The following ERC1 variants were observed in gnomAD, a reference collection of about 807,000 sequenced individuals.
ERC1 encodes RAB6 interacting protein 2.
In ERC1, 56 loss-of-function variants were observed where a neutral mutation model predicts 132.0. The observed-to-expected ratio is 0.42, with a 90% CI of 0.34 to 0.53. ERC1 has a LOEUF of 0.53. ERC1 is among the 20% of genes least tolerant of loss of function. ERC1 has a pLI of 0.03. For synonymous variants in ERC1, 478 were observed against 476.1 expected (o/e 1.00, Z -0.05); for missense variants, 1,202 against 1,349.9 (o/e 0.89, Z 1.72).
At chr12:1,325,813 A>G (rs2082408116) in intron 15 of ERC1, among the ~76,000 whole-genome samples, 1 of 152,132 alleles carries the variant, frequency 6.6e-6, no homozygotes, top group African/African-American at 2.4e-5. Context: ...CTTTTATAAT[A>G]TAAGATATGC....
chr12:1,236,690 C>G (rs992138751), intron 12 of ERC1, 79 bp from the exon 13 acceptor site: 20 of 1,371,858 alleles, frequency 1.5e-5, no homozygotes, highest in Non-Finnish European at 2.0e-5. Flanking sequence ...CTTATTGTCA[C>G]TGGTGTAAGT....
At chr12:998,405 A>C (rs181658257) in intron 1 of ERC1, 11 of 152,178 alleles carry the variant, frequency 7.2e-5, no homozygotes, top group Admixed American at 7.2e-4. Context: ...TCAAAGCGCT[A>C]CTTGGGGAGG....
At chr12:1,238,430 T>G (rs1440284974) in intron 13 of ERC1, among the ~76,000 whole-genome samples, 1 of 152,196 alleles carries the variant, frequency 6.6e-6, no homozygotes, top group South Asian at 2.1e-4. Context: ...TACTTTTTAA[T>G]TCATTTTGTG....
Position 1,205,393 on chromosome 12 carries a change from A to G in ERC1, c.2351+15341A>G, listed in dbSNP as rs566338259. 4.9e-4 allele frequency among the ~76,000 whole-genome samples: 71 copies of G among 146,110 alleles called. 2 individuals carry two copies. In the South Asian group the frequency reaches 0.015, roughly 31 times the overall value. On this transcript the variant is annotated intron_variant, in intron 12 of 18. Coordinates refer to ENST00000360905, the MANE Select transcript of ERC1 (RefSeq NM_178040.4). ...TGTGTGTGTGTGTATATATATATATATATCTGTGTGTGTGTGTGTGTATAT... is the reference window on the plus strand; with the variant it reads ...TGTGTGTGTGTGTATATATATATATGTATCTGTGTGTGTGTGTGTGTATAT...
chr12:1,007,540 C>CTCTCTCTCTCTCTG (rs1555194875), intron 1 of ERC1, among the ~76,000 whole-genome samples: 2 of 122,786 alleles, frequency 1.6e-5, no homozygotes, highest in African/African-American at 7.5e-5. Flanking sequence ...CTCTCTCTCT[C>CTCTCTCTCTCTCTG]TGTGTGTGTG....
intron 15 of ERC1, among the ~76,000 whole-genome samples, chr12:1,298,915 G>T (rs966627470): frequency 8.6e-5 from 13 of 152,010 alleles, no homozygotes; most frequent in African/African-American, 3.1e-4. Flanking sequence ...CAGACAAAGA[G>T]TATTCCCAGA....
chr12:1,100,084 G>A (rs977874876), intron 3 of ERC1, among the ~76,000 whole-genome samples: 1 of 151,882 alleles, frequency 6.6e-6, no homozygotes, highest in East Asian at 1.9e-4. Flanking sequence ...TCCTGACCTC[G>A]TGATCCACCC....
At chr12:1,005,099 T>G (rs1263623913) in intron 1 of ERC1, among the ~76,000 whole-genome samples, 1 of 152,188 alleles carries the variant, frequency 6.6e-6, no homozygotes, top group Admixed American at 6.6e-5. Context: ...CAAGTAATTT[T>G]GAGTACTTCA....
intron 14 of ERC1, among the ~76,000 whole-genome samples, chr12:1,274,589 T>C (rs1215998540): frequency 6.6e-6 from 1 of 151,862 alleles, no homozygotes; most frequent in Admixed American, 6.6e-5. Context: ...ATCTCCCAGG[T>C]TCAAGCAATT....
intron 16 of ERC1, chr12:1,385,781 A>G (rs1201348043): frequency 6.6e-6 from 1 of 152,220 alleles, no homozygotes; most frequent in Non-Finnish European, 1.5e-5. Context: ...CCTGACTTGC[A>G]GCTCTTCTTA....
At chr12:1,131,293 A>G (rs1948736449) in intron 7 of ERC1, among the ~76,000 whole-genome samples, 1 of 152,144 alleles carries the variant, frequency 6.6e-6, no homozygotes, top group Admixed American at 6.6e-5. Flanking sequence ...AGAACACTGA[A>G]AAGGTGTGAT....
chr12:1,033,924 C>T (rs1279333184), intron 2 of ERC1, among the ~76,000 whole-genome samples: 1 of 152,220 alleles, frequency 6.6e-6, no homozygotes, highest in Admixed American at 6.5e-5. Context: ...GTCACCATGC[C>T]CAGCTTAAAT....
intron 7 of ERC1, among the ~76,000 whole-genome samples, chr12:1,135,393 T>C (rs1473579396): frequency 3.3e-5 from 5 of 152,238 alleles, no homozygotes; most frequent in Admixed American, 6.5e-5. Flanking sequence ...TATATGCTTA[T>C]ATGCATGCTG....
In ERC1 at chr12:1,402,661, TA is replaced by T. The variant is rs1229661531; in HGVS notation, c.2926-5483del. On this transcript the variant is annotated intron_variant, in intron 16 of 18. Coordinates refer to ENST00000360905, the MANE Select transcript of ERC1 (RefSeq NM_178040.4). ...CACACACACAAAAGAACAAAGAAAATAAAAACAAATTAAATGAAATAGAAAA... is the reference window on the plus strand; with the variant it reads ...CACACACACAAAAGAACAAAGAAAATAAAACAAATTAAATGAAATAGAAAA... Among the ~76,000 whole-genome samples, 7 of 103,532 alleles carry T rather than the reference TA, an allele frequency of 6.8e-5. No homozygotes were observed. In the East Asian group the frequency reaches 1.6e-3, roughly 23 times the overall value. 67.9% of individuals were successfully genotyped at this position (103,532 alleles called of 152,430 possible).
chr12:1,102,351 A>T (rs1466315124), intron 3 of ERC1, among the ~76,000 whole-genome samples: 1 of 152,210 alleles, frequency 6.6e-6, no homozygotes, highest in Non-Finnish European at 1.5e-5. Context: ...ACGACTGCTT[A>T]CATATCAGAC....
At chr12:1,312,992 A>C (rs2081417621) in intron 15 of ERC1, among the ~76,000 whole-genome samples, 1 of 152,104 alleles carries the variant, frequency 6.6e-6, no homozygotes, top group Non-Finnish European at 1.5e-5. Flanking sequence ...AACATCCAAA[A>C]GATGCTCCTA....
At chr12:1,245,365 A>G (rs2076093805) in intron 13 of ERC1, among the ~76,000 whole-genome samples, 1 of 152,170 alleles carries the variant, frequency 6.6e-6, no homozygotes, top group Non-Finnish European at 1.5e-5. Flanking sequence ...AAATGGAATT[A>G]CTGTATTTAT....
intron 15 of ERC1, among the ~76,000 whole-genome samples, chr12:1,321,680 C>G (rs971230694): frequency 3.9e-5 from 6 of 152,094 alleles, no homozygotes; most frequent in Admixed American, 1.3e-4. Context: ...GCTTTAGAAG[C>G]CTTTATAAAT....
intron 15 of ERC1, among the ~76,000 whole-genome samples, chr12:1,336,458 T>C (rs2083322537): frequency 1.3e-5 from 2 of 152,348 alleles, no homozygotes; most frequent in East Asian, 3.9e-4. Flanking sequence ...ATCTTTGTTC[T>C]CATTAGTTTC....
Sources: allele counts gnomAD v4.1 joint callset (sites outside exome capture counted in the v4.1 genomes callset), GRCh38; gene constraint gnomAD v4.1.1; transcripts MANE v1.5; gene names NCBI Gene and HGNC (gene_info 2026-07-23, HGNC 2026-07-21).